The following CLTA variants were observed in gnomAD, a reference collection of about 807,000 sequenced individuals.
CLTA encodes clathrin, light polypeptide (Lca).
CLTA carries 9 observed loss-of-function variants against 26.9 expected under a neutral mutation model. The ratio of observed to expected loss-of-function variants is 0.33; its 90% CI spans 0.20 to 0.58. The LOEUF (loss-of-function observed/expected upper bound fraction) is 0.58, where lower values mean the gene tolerates loss of function less well. CLTA is among the 20% of genes least tolerant of loss of function. CLTA has a pLI of 0.85. For missense variants in CLTA, 278 were observed against 294.2 expected, an observed-to-expected ratio of 0.94 and a Z score of 0.40; for synonymous variants, 120 against 115.5, an observed-to-expected ratio of 1.04 and a Z score of -0.25.
Position 36,204,170 on chromosome 9 carries a change from C to G in CLTA, c.476C>G (p.Ala159Gly). The change falls in exon 4 of 5, where the codon GCA becomes GGA. Residue 159 changes from alanine (A) to glycine (G), a missense_variant. Physicochemically the swap from Ala to Gly is moderately conservative, Grantham distance 60. Coordinates refer to ENST00000345519, the MANE Select transcript of CLTA (RefSeq NM_001833.4). ...RQDEQLQKTK[A>G]NNRAAEEAFV... is the part of the protein sequence containing the mutation. ...GACGAGCAGCTACAGAAAACAAAAG[C>G]AAACAACAGGTCAGTCCGTGGTGGT... The G allele has an allele frequency of 6.2e-7, 1 of 1,613,606 alleles. No individual in the cohort carries two copies. Among genetic ancestry groups the G allele is most frequent in the Non-Finnish European group, 8.5e-7 (1 of 1,179,722 alleles).
intron 3 of CLTA, among the ~76,000 whole-genome samples, chr9:36,199,639 A>G (rs1827288722): frequency 6.7e-6 from 1 of 150,218 alleles, no homozygotes; most frequent in Non-Finnish European, 1.5e-5. Flanking sequence ...TATTTTTAGT[A>G]GAGACAGGGT....
In CLTA at chr9:36,211,676, C is replaced by A; in HGVS notation, c.559C>A (p.Leu187Met). ...PGTEWERVAR[L>M]CDFNPKSSKQ... ...CACTGAGTGGGAACGGGTGGCCCGG[C>A]TGTGTGACTTTAACCCCAAGTCTAG... The change falls in exon 5 of 5, where the codon CTG (leucine) becomes ATG (methionine). Residue 187 changes from leucine to methionine, a missense_variant. Leu to Met is a conservative substitution (Grantham distance 15). Coordinates refer to ENST00000345519, the MANE Select transcript of CLTA (RefSeq NM_001833.4). The A allele has an allele frequency of 1.2e-6, 2 of 1,614,102 alleles. No homozygotes were observed. The highest frequency in any genetic ancestry group is 8.5e-7 in the Non-Finnish European group (1 of 1,179,982).
chr9:36,202,821 T>C (rs571939287), intron 3 of CLTA, among the ~76,000 whole-genome samples: 3 of 151,964 alleles, frequency 2.0e-5, no homozygotes, highest in African/African-American at 7.2e-5. Flanking sequence ...TGTATTTCTT[T>C]TTTTTTTTTT....
chr9:36,205,794 C>G (rs1384057785), intron 4 of CLTA, among the ~76,000 whole-genome samples: 1 of 118,952 alleles, frequency 8.4e-6, no homozygotes, highest in Non-Finnish European at 1.6e-5. Flanking sequence ...GAGTCTTGCT[C>G]TGTTGCCCAG....
intron 4 of CLTA, among the ~76,000 whole-genome samples, chr9:36,210,012 G>A (rs1045802696): frequency 2.6e-5 from 4 of 152,118 alleles, no homozygotes; most frequent in African/African-American, 9.7e-5. Flanking sequence ...GTCTTGATAC[G>A]GGCCACTTGG....
intron 1 of CLTA, among the ~76,000 whole-genome samples, chr9:36,196,335 CTTTTTTCT>C (rs946297166): frequency 4.4e-5 from 6 of 135,686 alleles, no homozygotes; most frequent in East Asian, 2.3e-4. Context: ...TTTTTTCTTT[CTTTTTTCT>C]TTTTTTTTTT....
intron 2 of CLTA, among the ~76,000 whole-genome samples, chr9:36,198,747 C>T (rs1019533726): frequency 1.3e-5 from 2 of 149,868 alleles, no homozygotes; most frequent in African/African-American, 2.5e-5. Context: ...GGCGCAGGCA[C>T]CTGTAATCTC....
chr9:36,206,630 A>G (rs1179684016), intron 4 of CLTA, among the ~76,000 whole-genome samples: 8 of 152,170 alleles, frequency 5.3e-5, no homozygotes, highest in Admixed American at 5.2e-4. Context: ...ACCGTGACTC[A>G]ACATCTGTAA....
chr9:36,208,489 A>C (rs1186855728), intron 4 of CLTA, among the ~76,000 whole-genome samples: 1 of 152,186 alleles, frequency 6.6e-6, no homozygotes, highest in Admixed American at 6.5e-5. Context: ...GGAACAACAG[A>C]AGCCAGGGCC....
chr9:36,191,209 C>T lies in CLTA; in HGVS notation c.153C>T (p.Ala51=). ...TTGCGGGCATCGAGAACGACGAGGC[C>T]TTCGCCATCCTGGACGGCGGCGCCC... The part of the protein sequence containing the change: ...SEIAGIENDE[A]FAILDGGAPG... The change falls in exon 1 of 5, where the codon GCC becomes GCT. Residue 51 remains alanine (A), a synonymous_variant. Transcript: ENST00000345519. 6.4e-7 allele frequency: 1 copy of T among 1,563,288 alleles called. No individual in the cohort carries two copies. The highest frequency in any genetic ancestry group is 8.6e-7 in the Non-Finnish European group (1 of 1,158,314).
At chr9:36,196,688 G>A (rs1827066543) in intron 1 of CLTA, among the ~76,000 whole-genome samples, 2 of 152,092 alleles carry the variant, frequency 1.3e-5, no homozygotes, top group Non-Finnish European at 2.9e-5. Context: ...TATTACAGAG[G>A]CGAAATTGAA....
chr9:36,201,524 C>T (rs1210321474), intron 3 of CLTA, among the ~76,000 whole-genome samples: 1 of 152,166 alleles, frequency 6.6e-6, no homozygotes, highest in African/African-American at 2.4e-5. Context: ...ATGCAGTAAC[C>T]ACAGTCTGTT....
At chr9:36,207,635 C>CTG (rs781145139) in intron 4 of CLTA, among the ~76,000 whole-genome samples, 40 of 152,262 alleles carry the variant, frequency 2.6e-4, no homozygotes, top group Non-Finnish European at 2.9e-4. Context: ...GGAGGGCCAC[C>CTG]TGTGTGTGTG....
At chr9:36,194,702 T>C (rs1221024421) in intron 1 of CLTA, among the ~76,000 whole-genome samples, 1 of 152,228 alleles carries the variant, frequency 6.6e-6, no homozygotes, top group Non-Finnish European at 1.5e-5. Context: ...AAACTGGCCC[T>C]TTTTCTGTCT....
intron 4 of CLTA, among the ~76,000 whole-genome samples, chr9:36,210,285 C>G (rs185329097): frequency 2.6e-5 from 4 of 152,248 alleles, no homozygotes; most frequent in Non-Finnish European, 1.5e-5. Flanking sequence ...TAGAGCCTCT[C>G]AGGGCCTATG....
chr9:36,199,892 T>G (rs1026962817), intron 3 of CLTA, among the ~76,000 whole-genome samples: 19 of 152,174 alleles, frequency 1.2e-4, no homozygotes, highest in Admixed American at 4.6e-4. Flanking sequence ...GTAAGAAAAG[T>G]GGAGGAGAGG....
In CLTA at chr9:36,196,383, G is replaced by A. The variant is rs555900297; in HGVS notation, c.218-1168G>A. Among the ~76,000 whole-genome samples, 66 of 134,604 alleles carry A rather than the reference G, an allele frequency of 4.9e-4. 1 individual carries two copies. The highest frequency in any genetic ancestry group is 3.6e-3 in the Admixed American group (44 of 12,296). 88.3% of individuals were successfully genotyped at this position (134,604 alleles called of 152,430 possible). On this transcript the variant is annotated intron_variant, in intron 1 of 4. Transcript: ENST00000345519. ...ATTTTTTGAGATGGAGTCTCGCTCC[G>A]TCACCCAGGCTGGAGTGCAGTGGCG...
intron 3 of CLTA, among the ~76,000 whole-genome samples, chr9:36,203,677 A>G (rs1346884556): frequency 6.6e-6 from 1 of 152,246 alleles, no homozygotes; most frequent in Non-Finnish European, 1.5e-5. Context: ...GTAAAGAATC[A>G]TCTATAATTG....
Position 36,198,904 on chromosome 9 carries a change from G to T in CLTA, c.256-75G>T, listed in dbSNP as rs1827232767. The stretch of plus-strand genomic sequence containing the variant: ...AAAAAAAAAAAAAACAGAACCAGGG[G>T]TTCTAACTCAGGTGAAGTGCATTTT... On this transcript the variant is annotated intron_variant, in intron 2 of 4. Coordinates refer to ENST00000345519, the MANE Select transcript of CLTA (RefSeq NM_001833.4). 6 of 996,560 alleles carry T rather than the reference G, an allele frequency of 6.0e-6. No individual in the cohort carries two copies. In the African/African-American group the frequency reaches 6.5e-5, roughly 11 times the overall value. The allele number at this position is 996,560 out of a possible 1,614,324, so 61.7% of individuals were successfully genotyped here. A position where few individuals can be genotyped will look rare whatever the true frequency, so the allele number is the denominator to read the frequency against.
Sources: gnomAD v4.1 joint callset for allele counts (sites outside exome capture counted in the v4.1 genomes callset) on GRCh38, gnomAD v4.1.1 for gene constraint, MANE v1.5 for transcripts, NCBI Gene and HGNC (gene_info 2026-07-23, HGNC 2026-07-21) for gene names.